SFMBT2: variants seen among roughly 807,000 people sequenced by gnomAD.
The protein encoded by SFMBT2 is Scm like with four mbt domains 2, also known as scm-like with four MBT domains protein 2.
A neutral mutation model predicts 110.1 loss-of-function variants in SFMBT2; 38 were observed. The ratio of observed to expected loss-of-function variants is 0.35; its 90% CI spans 0.27 to 0.45. The LOEUF is 0.45. Ranked by LOEUF, SFMBT2 falls within the 20% of genes least tolerant of loss-of-function variation. The probability of loss-of-function intolerance (pLI) is 1.00; values close to 1 mark genes in which losing one functional copy is unlikely to be tolerated. For missense variants in SFMBT2, 1,011 were observed against 1,094.9 expected, an observed-to-expected ratio of 0.92 and a Z score of 1.08; for synonymous variants, 425 against 425.4, an observed-to-expected ratio of 1.00 and a Z score of 0.01.
At chr10:7,206,212 G>T (rs781177247) in intron 11 of SFMBT2, 59 of 985,300 alleles carry the variant, frequency 6.0e-5, no homozygotes, top group Non-Finnish European at 7.0e-5. Flanking sequence ...AAGTAAAAGA[G>T]GAAGAAGGAC....
intron 4 of SFMBT2, among the ~76,000 whole-genome samples, chr10:7,311,624 T>C (rs781487934): frequency 6.6e-6 from 1 of 152,180 alleles, no homozygotes; most frequent in East Asian, 1.9e-4. Flanking sequence ...TCAGTTAAAG[T>C]CAATATCCTA....
intron 4 of SFMBT2, among the ~76,000 whole-genome samples, chr10:7,354,106 A>G (rs1336771090): frequency 6.6e-6 from 1 of 151,518 alleles, no homozygotes; most frequent in Non-Finnish European, 1.5e-5. Flanking sequence ...AAAAATATAA[A>G]TAAAACAAAA....
chr10:7,195,393 TG>T (rs1450165795), intron 15 of SFMBT2, among the ~76,000 whole-genome samples: 1 of 152,206 alleles, frequency 6.6e-6, no homozygotes, highest in Non-Finnish European at 1.5e-5. Context: ...TCTTTAGCTG[TG>T]AATTTCTCAT....
intron 4 of SFMBT2, among the ~76,000 whole-genome samples, chr10:7,317,833 C>G (rs1294165033): frequency 6.6e-6 from 1 of 152,054 alleles, no homozygotes; most frequent in Non-Finnish European, 1.5e-5. Flanking sequence ...AGGAAATGCA[C>G]AAAAACCCCT....
At chr10:7,344,136 G>A (rs1225337752) in intron 4 of SFMBT2, among the ~76,000 whole-genome samples, 1 of 152,120 alleles carries the variant, frequency 6.6e-6, no homozygotes, top group African/African-American at 2.4e-5. Context: ...GCTTCCTAGG[G>A]GAAGAGAGGA....
chr10:7,272,543 G>T (rs992489864), intron 7 of SFMBT2, among the ~76,000 whole-genome samples: 1 of 152,150 alleles, frequency 6.6e-6, no homozygotes, highest in East Asian at 1.9e-4. Flanking sequence ...GCCCCCCACA[G>T]CCTCCCTGAT....
rs1837559868 is a variant in SFMBT2 at position 7,161,925 on chromosome 10, T to C, written c.*1845A>G. 6.6e-6 allele frequency: 1 copy of C among 152,054 alleles called. No homozygotes were observed. The highest frequency in any genetic ancestry group is 1.5e-5 in the Non-Finnish European group (1 of 68,022). The allele number at this position is 152,054 out of a possible 1,614,324, so 9.4% of individuals were successfully genotyped here. ...AGTCCAAGGGACGAGCTCAAGGTGA[T>C]TGTGGTGAAAAAGCAGGAAGGGTGA... On this transcript the variant is annotated 3_prime_UTR_variant, in exon 21 of 21. Transcript: ENST00000397167.
chr10:7,183,530 G>A (rs1838304971), intron 16 of SFMBT2, among the ~76,000 whole-genome samples: 1 of 152,228 alleles, frequency 6.6e-6, no homozygotes, highest in Non-Finnish European at 1.5e-5. Flanking sequence ...ACAGCAAGAA[G>A]TCTTGTTGGA....
At chr10:7,338,837 A>C (rs35632583) in intron 4 of SFMBT2, among the ~76,000 whole-genome samples, 1,649 of 152,138 alleles carry the variant, frequency 0.011, 12 homozygotes, top group Middle Eastern at 0.024. Flanking sequence ...TGCAGTCTGC[A>C]CTCTTCCCAG....
At chr10:7,299,352 A>G (rs1842493983) in intron 4 of SFMBT2, among the ~76,000 whole-genome samples, 1 of 152,230 alleles carries the variant, frequency 6.6e-6, no homozygotes, top group Admixed American at 6.5e-5. Context: ...CAAAGGGCTA[A>G]TATCCAGAAT....
chr10:7,217,724 C>T (rs915594598), intron 11 of SFMBT2, among the ~76,000 whole-genome samples: 3 of 152,134 alleles, frequency 2.0e-5, no homozygotes. Context: ...GTGTGTGCGG[C>T]CATAATGCTA....
chr10:7,289,846 AAATAAAAGT>A (rs1842211146), intron 4 of SFMBT2, among the ~76,000 whole-genome samples: 1 of 152,256 alleles, frequency 6.6e-6, no homozygotes, highest in African/African-American at 2.4e-5. Flanking sequence ...AAATTCTGGT[AAATAAAAGT>A]TGCCTTGCAA....
At chr10:7,387,648 A>G (rs72775564) in intron 1 of SFMBT2, among the ~76,000 whole-genome samples, 3,934 of 151,976 alleles carry the variant, frequency 0.026, 85 homozygotes, top group Non-Finnish European at 0.038. Context: ...AAACCAAAGG[A>G]GGATGGGCAT....
intron 2 of SFMBT2, among the ~76,000 whole-genome samples, chr10:7,372,852 T>C (rs753491717): frequency 1.4e-4 from 22 of 152,236 alleles, no homozygotes; most frequent in Non-Finnish European, 4.4e-5. Context: ...CCATCCTCCT[T>C]GTCTGGCCTC....
At chr10:7,377,674 G>C (rs1312169929) in intron 2 of SFMBT2, among the ~76,000 whole-genome samples, 1 of 152,108 alleles carries the variant, frequency 6.6e-6, no homozygotes, top group Non-Finnish European at 1.5e-5. Context: ...ACTCCTATGA[G>C]AATCTAATGC....
chr10:7,221,276 G>A (rs569953576), intron 10 of SFMBT2, among the ~76,000 whole-genome samples: 20 of 151,912 alleles, frequency 1.3e-4, no homozygotes, highest in Admixed American at 4.6e-4. Flanking sequence ...AGAATTTTTC[G>A]TAGTAAAAGG....
intron 4 of SFMBT2, among the ~76,000 whole-genome samples, chr10:7,306,443 G>A (rs926616038): frequency 6.6e-6 from 1 of 152,234 alleles, no homozygotes; most frequent in East Asian, 1.9e-4. Context: ...TATTGCTCAC[G>A]GCTGCTCTCG....
chr10:7,370,284 T>C lies in SFMBT2; in HGVS notation c.192A>G (p.Lys64=), dbSNP rs748617822. The C allele has an allele frequency of 6.2e-7, 1 of 1,613,692 alleles. No individual in the cohort carries two copies. Among genetic ancestry groups the C allele is most frequent in the South Asian group, 1.1e-5 (1 of 91,064 alleles). Residue 64 remains lysine, a synonymous_variant, in exon 3 of 21, where the codon AAA becomes AAG. Transcript: ENST00000397167. ...AGACACAAGCTGCTTTACATACGTGTTTGAATGATGTGTGGGGAGCAGCAC... is the reference window on the plus strand; with the variant it reads ...AGACACAAGCTGCTTTACATACGTGCTTGAATGATGTGTGGGGAGCAGCAC... ...GASAAPHTSF[K]HVEISIQSNF...
chr10:7,289,196 C>A (rs1244804001), intron 4 of SFMBT2, among the ~76,000 whole-genome samples: 1 of 152,114 alleles, frequency 6.6e-6, no homozygotes, highest in African/African-American at 2.4e-5. Context: ...TACAACTGTA[C>A]CCCATAAATA....
Sources: gnomAD v4.1 joint callset for allele counts (sites outside exome capture counted in the v4.1 genomes callset) on GRCh38, gnomAD v4.1.1 for gene constraint, MANE v1.5 for transcripts, NCBI Gene and HGNC (gene_info 2026-07-23, HGNC 2026-07-21) for gene names.